KSR2: variants seen among roughly 807,000 people sequenced by gnomAD.
The protein encoded by KSR2 is kinase suppressor of ras 2.
KSR2 carries 25 observed loss-of-function variants against 107.8 expected under a neutral mutation model. The observed-to-expected ratio is 0.23, with a 90% CI of 0.17 to 0.32. The LOEUF (loss-of-function observed/expected upper bound fraction) is 0.32, where lower values mean the gene tolerates loss of function less well. Among genes scored for constraint, KSR2 ranks in the 10% least tolerant of loss-of-function variants. The pLI, the probability that KSR2 is intolerant of heterozygous loss-of-function variation, is 1.00. For synonymous variants in KSR2, 480 were observed against 507.0 expected (o/e 0.95, Z 0.71); for missense variants, 887 against 1,268.9 (o/e 0.70, Z 4.57).
chr12:117,929,642 G>A (rs866939251), intron 1 of KSR2, among the ~76,000 whole-genome samples: 8 of 152,192 alleles, frequency 5.3e-5, no homozygotes, highest in African/African-American at 1.4e-4. Flanking sequence ...TAAATGAAAC[G>A]CAGTGTATCT....
rs1593328063 is a variant in KSR2 at position 117,874,019 on chromosome 12, A to G, written c.181-13588T>C. 3.9e-5 allele frequency among the ~76,000 whole-genome samples: 6 copies of G among 152,312 alleles called. No individual in the cohort carries two copies. The East Asian group carries it at 7.7e-4, about 20-fold the overall frequency. On this transcript the variant is annotated intron_variant, in intron 1 of 19. Transcript: ENST00000339824. Reference sequence around the variant, plus strand: ...TTTTTTGCATTTCATTTCCCTCGCAAATCATCTTTATTCTATTTCACAAAA... The same window carrying G: ...TTTTTTGCATTTCATTTCCCTCGCAGATCATCTTTATTCTATTTCACAAAA...
intron 5 of KSR2, among the ~76,000 whole-genome samples, chr12:117,615,109 T>C (rs893737835): frequency 1.3e-5 from 2 of 152,004 alleles, no homozygotes; most frequent in African/African-American, 2.4e-5. Flanking sequence ...CTACCCACTT[T>C]GGGAGCAAGA....
At chr12:117,673,690 A>G (rs550575265) in intron 4 of KSR2, among the ~76,000 whole-genome samples, 1 of 152,316 alleles carries the variant, frequency 6.6e-6, no homozygotes, top group African/African-American at 2.4e-5. Flanking sequence ...TCAGGGGGAA[A>G]AAACAGACAC....
intron 1 of KSR2, among the ~76,000 whole-genome samples, chr12:117,922,251 C>T (rs1895367383): frequency 6.6e-6 from 1 of 152,184 alleles, no homozygotes; most frequent in South Asian, 2.1e-4. Context: ...AATGCAAATG[C>T]TTTAACTTCT....
chr12:117,597,518 G>A (rs1361037513), intron 5 of KSR2, among the ~76,000 whole-genome samples: 2 of 152,160 alleles, frequency 1.3e-5, no homozygotes, highest in East Asian at 1.9e-4. Context: ...ATGAGCCAAG[G>A]AAGAAGCGCT....
intron 1 of KSR2, among the ~76,000 whole-genome samples, chr12:117,938,716 A>T (rs760217683): frequency 5.9e-5 from 9 of 152,040 alleles, no homozygotes; most frequent in Non-Finnish European, 1.2e-4. Context: ...ATGCCACTGC[A>T]CCCCAGCCTA....
chr12:117,766,982 T>G (rs139051197), intron 3 of KSR2, among the ~76,000 whole-genome samples: 2,026 of 151,448 alleles, frequency 0.013, 60 homozygotes, highest in African/African-American at 0.046. Context: ...CTCCTGGAGT[T>G]CAAGCGATTC....
At chr12:117,674,592 G>A (rs142501930) in intron 4 of KSR2, among the ~76,000 whole-genome samples, 2 of 152,216 alleles carry the variant, frequency 1.3e-5, no homozygotes, top group African/African-American at 4.8e-5. Context: ...CATATAAATG[G>A]AATCCTACAA....
rs1346063076 is a variant in KSR2, at chr12:117,947,187, A to AAAGAAAG, written c.180+20888_180+20889insCTTTCTT. 4.2e-3 allele frequency among the ~76,000 whole-genome samples: 429 copies of AAAGAAAG among 102,564 alleles called. 5 individuals are homozygous for AAAGAAAG. The highest frequency in any genetic ancestry group is 6.8e-3 in the Non-Finnish European group (328 of 48,168). 67.3% of individuals were successfully genotyped at this position (102,564 alleles called of 152,430 possible). ...TGTCAAAAGAAAGAAAGAAAGAAAGAAAAGAAAGAAAAGAAAGAAAAGAAA... is the reference window on the plus strand; with the variant it reads ...TGTCAAAAGAAAGAAAGAAAGAAAGAAAGAAAGAAAGAAAGAAAAGAAAGAAAAGAAA... On this transcript the variant is annotated intron_variant, in intron 1 of 19. Transcript: ENST00000339824.
chr12:117,493,392 G>A (rs1872849421), intron 14 of KSR2, among the ~76,000 whole-genome samples: 3 of 152,038 alleles, frequency 2.0e-5, no homozygotes, highest in Non-Finnish European at 1.5e-5. Flanking sequence ...ATATAGTCTG[G>A]CTCACACACA....
chr12:117,586,182 C>T (rs113711210), intron 5 of KSR2, among the ~76,000 whole-genome samples: 215 of 151,952 alleles, frequency 1.4e-3, no homozygotes, highest in Middle Eastern at 0.01. Context: ...AGCTCCCTGA[C>T]GGATGAGCTA....
intron 5 of KSR2, among the ~76,000 whole-genome samples, chr12:117,637,936 G>GA (rs1565938570): frequency 6.6e-6 from 1 of 152,014 alleles, no homozygotes; most frequent in Non-Finnish European, 1.5e-5. Context: ...TACATAAACA[G>GA]AAAAAACAGG....
chr12:117,753,859 C>T (rs1888693661), intron 4 of KSR2, among the ~76,000 whole-genome samples: 1 of 150,896 alleles, frequency 6.6e-6, no homozygotes, highest in African/African-American at 2.4e-5. Flanking sequence ...AACATCAGCA[C>T]ATATTTCCCA....
intron 4 of KSR2, among the ~76,000 whole-genome samples, chr12:117,711,021 C>A (rs1183778557): frequency 2.0e-5 from 3 of 152,160 alleles, no homozygotes; most frequent in Admixed American, 6.5e-5. Flanking sequence ...CCATCTCCAA[C>A]CATTAGTCTA....
chr12:117,566,510 G>C (rs1226999242), intron 7 of KSR2, among the ~76,000 whole-genome samples: 1 of 152,182 alleles, frequency 6.6e-6, no homozygotes, highest in Non-Finnish European at 1.5e-5. Flanking sequence ...TCCCGCATTA[G>C]TTTGCTAAGG....
chr12:117,519,719 GAA>G (rs1240667353), intron 14 of KSR2, among the ~76,000 whole-genome samples: 3 of 152,034 alleles, frequency 2.0e-5, no homozygotes, highest in Admixed American at 6.6e-5. Context: ...GAACAGGAGA[GAA>G]AGAAGAGAAG....
intron 4 of KSR2, among the ~76,000 whole-genome samples, chr12:117,705,055 A>G (rs1350748898): frequency 6.6e-6 from 1 of 152,260 alleles, no homozygotes; most frequent in African/African-American, 2.4e-5. Context: ...ATGCCGGGAT[A>G]TGACTATGAG....
chr12:117,906,717 C>G (rs1202724885), intron 1 of KSR2, among the ~76,000 whole-genome samples: 1 of 152,108 alleles, frequency 6.6e-6, no homozygotes, highest in Non-Finnish European at 1.5e-5. Context: ...TCTCAGTGTT[C>G]AGTGAGCATC....
At chr12:117,723,182 C>T (rs986951307) in intron 4 of KSR2, among the ~76,000 whole-genome samples, 2 of 152,196 alleles carry the variant, frequency 1.3e-5, no homozygotes, top group Non-Finnish European at 2.9e-5. Flanking sequence ...CCAAACCACA[C>T]CAACACCAGG....
Sources: allele counts gnomAD v4.1 joint callset (sites outside exome capture counted in the v4.1 genomes callset), GRCh38; gene constraint gnomAD v4.1.1; transcripts MANE v1.5; gene names NCBI Gene and HGNC (gene_info 2026-07-23, HGNC 2026-07-21).